ZNF585A: variants seen among roughly 807,000 people sequenced by gnomAD.
ZNF585A encodes the protein zinc finger protein 585A.
ZNF585A carries 9 observed loss-of-function variants against 14.9 expected under a neutral mutation model. That is an observed-to-expected ratio of 0.60 (90% CI 0.36 to 1.05). The LOEUF (loss-of-function observed/expected upper bound fraction) is 1.05. Among genes scored for constraint, ZNF585A ranks in the 50% least tolerant of loss-of-function variants. ZNF585A has a pLI of 0.01. For synonymous variants in ZNF585A, 276 were observed against 319.9 expected, an observed-to-expected ratio of 0.86 and a Z score of 1.46; for missense variants, 726 against 926.4, an observed-to-expected ratio of 0.78 and a Z score of 2.81.
intron 2 of ZNF585A, among the ~76,000 whole-genome samples, chr19:37,164,496 T>G (rs1325683294): frequency 6.6e-6 from 1 of 151,930 alleles, no homozygotes; most frequent in Non-Finnish European, 1.5e-5. Context: ...TGAGACAAAG[T>G]AGAAAAAAAT....
intron 2 of ZNF585A, among the ~76,000 whole-genome samples, chr19:37,160,343 AAAATAAATAAATAAATAAAT>A (rs148963406): frequency 0.015 from 2,104 of 138,932 alleles, 61 homozygotes; most frequent in African/African-American, 0.053. Context: ...ACCTGTCTCA[AAAATAAATAAATAAATAAAT>A]AAATAAATAA....
rs1401929429 is a variant in ZNF585A at position 37,147,305 on chromosome 19, T to C, written c.*4284A>G. On this transcript the variant is annotated 3_prime_UTR_variant, in exon 5 of 5. Coordinates refer to ENST00000292841, the MANE Select transcript of ZNF585A (RefSeq NM_001288800.2). ...GCAAAGGTGGAAGAGGAAAGCAAGA[T>C]GCACGGGCACTGGAGAAGCAGAGCA... 1 of 152,232 alleles carries C rather than the reference T, an allele frequency of 6.6e-6. No individual in the cohort carries two copies. The highest frequency in any genetic ancestry group is 1.5e-5 in the Non-Finnish European group (1 of 68,078). 9.4% of individuals were successfully genotyped at this position (152,232 alleles called of 1,614,324 possible). A position where few individuals can be genotyped will look rare whatever the true frequency, so the allele number is the denominator to read the frequency against.
rs1031184274 is a variant in ZNF585A at position 37,145,661 on chromosome 19, T to C, written c.*5928A>G. The C allele has an allele frequency of 6.6e-5, 10 of 152,238 alleles. No individual in the cohort carries two copies. The highest frequency in any genetic ancestry group is 1.5e-4 in the Non-Finnish European group (10 of 68,036). The allele number at this position is 152,238 out of a possible 1,614,324, so 9.4% of individuals were successfully genotyped here. On this transcript the variant is annotated 3_prime_UTR_variant, in exon 5 of 5. Coordinates refer to ENST00000292841, the MANE Select transcript of ZNF585A (RefSeq NM_001288800.2). ...CAGAGAGCACAATTTTTTGTTTTAATAGCAGCATTCCTTGTTATAATAAAT... is the reference window on the plus strand; with the variant it reads ...CAGAGAGCACAATTTTTTGTTTTAACAGCAGCATTCCTTGTTATAATAAAT...
rs778025597 is a variant in ZNF585A at position 37,153,073 on chromosome 19, C to T, written c.826G>A (p.Gly276Arg). 74 of 1,614,018 alleles carry T rather than the reference C, an allele frequency of 4.6e-5. No homozygotes were observed. The highest frequency in any genetic ancestry group is 3.5e-4 in the South Asian group (32 of 91,092). Residue 276 changes from glycine to arginine, a missense_variant, in exon 5 of 5, where the codon GGA becomes AGA. Coordinates refer to ENST00000292841, the MANE Select transcript of ZNF585A (RefSeq NM_001288800.2). Reference protein sequence around the residue: ...GERSYICIECGQAFIQKTHLI... With the variant: ...GERSYICIECRQAFIQKTHLI... ...TGGGTCTTCTGGATGAAGGCCTGTC[C>T]GCATTCAATACAGATGTAGGATCTC...
rs1599745572 is a variant in ZNF585A, at chr19:37,151,662, T to C, written c.2237A>G (p.Tyr746Cys). ...HQTTHTGDKP[Y>C]KCGICGKGFV... is the part of the protein sequence containing the mutation. ...GCCTTTCCCACAGATGCCACACTTG[T>C]AGGGTTTGTCTCCAGTGTGTGTTGT... The change falls in exon 5 of 5, where the codon TAC (tyrosine) becomes TGC (cysteine). Residue 746 changes from tyrosine to cysteine, a missense_variant. Physicochemically the swap from Tyr to Cys is radical, Grantham distance 194. This residue lies in a region of ZNF585A where 243 missense variants were observed against 383.6 expected (regional missense o/e 0.63). Coordinates refer to ENST00000292841, the MANE Select transcript of ZNF585A (RefSeq NM_001288800.2). 3 of 1,614,200 alleles carry C rather than the reference T, an allele frequency of 1.9e-6. No homozygotes were observed. Among genetic ancestry groups the C allele is most frequent in the East Asian group, 2.2e-5 (1 of 44,880 alleles).
In ZNF585A at chr19:37,152,384, C is replaced by A. The variant is rs1297343918; in HGVS notation, c.1515G>T (p.Gln505His). 5 of 1,613,860 alleles carry A rather than the reference C, an allele frequency of 3.1e-6. No individual in the cohort carries two copies. In the South Asian group the frequency reaches 5.5e-5, roughly 18 times the overall value. The change falls in exon 5 of 5, where the codon CAG becomes CAT. Residue 505 changes from glutamine (Q) to histidine (H), a missense_variant. Physicochemically the swap from Gln to His is conservative, Grantham distance 24. Around this residue, in one of 2 missense-constraint regions of ZNF585A, gnomAD observed 243 missense variants for 383.6 expected, o/e 0.63. Coordinates refer to ENST00000292841, the MANE Select transcript of ZNF585A (RefSeq NM_001288800.2). Reference protein sequence around the residue: ...ICSKCGKAFTQRSDLITHQRI... With the variant: ...ICSKCGKAFTHRSDLITHQRI... ...TCTGATGTGTAATCAAGTCTGACCTCTGGGTGAAGGCCTTTCCACATTTGG... is the reference window on the plus strand; with the variant it reads ...TCTGATGTGTAATCAAGTCTGACCTATGGGTGAAGGCCTTTCCACATTTGG...
At chr19:37,165,217 C>T (rs1972069151) in intron 2 of ZNF585A, among the ~76,000 whole-genome samples, 1 of 152,050 alleles carries the variant, frequency 6.6e-6, no homozygotes, top group Non-Finnish European at 1.5e-5. Flanking sequence ...AAATAATTAG[C>T]TGGGCGTGGT....
chr19:37,161,521 C>T (rs968478447), intron 2 of ZNF585A, among the ~76,000 whole-genome samples: 2 of 152,090 alleles, frequency 1.3e-5, no homozygotes, highest in African/African-American at 2.4e-5. Context: ...GTTTGAACTA[C>T]GCAAGTCCAC....
chr19:37,148,444 T>C lies in ZNF585A; in HGVS notation c.*3145A>G, dbSNP rs2044032930. ...CACAAGGACTCCACTTATACAATAT[T>C]ATGGAAAAGGCAGAACTATAGAGAC... On this transcript the variant is annotated 3_prime_UTR_variant, in exon 5 of 5. Transcript: ENST00000292841. 6.6e-6 allele frequency: 1 copy of C among 151,756 alleles called. No homozygotes were observed. The highest frequency in any genetic ancestry group is 6.6e-5 in the Admixed American group (1 of 15,194). 9.4% of individuals were successfully genotyped at this position (151,756 alleles called of 1,614,324 possible). A position where few individuals can be genotyped will look rare whatever the true frequency, so the allele number is the denominator to read the frequency against.
In ZNF585A at chr19:37,163,967, C is replaced by G. The variant is rs113952801; in HGVS notation, c.72+5872G>C. On this transcript the variant is annotated intron_variant, in intron 2 of 4. Coordinates refer to ENST00000292841, the MANE Select transcript of ZNF585A (RefSeq NM_001288800.2). ...ATGACCAAAGGCATATCTGGAGTTG[C>G]CAACAGAAAAGAAATAAGAGCCTCC... Among the ~76,000 whole-genome samples the G allele has an allele frequency of 1.2e-4, 18 of 152,142 alleles. 2 individuals are homozygous for G. Among genetic ancestry groups the G allele is most frequent in the African/African-American group, 4.3e-4 (18 of 41,490 alleles).
At chr19:37,169,792 C>T in intron 2 of ZNF585A, 47 bp downstream of exon 2, 1 of 1,602,374 alleles carries the variant, frequency 6.2e-7, no homozygotes, top group Non-Finnish European at 8.5e-7. Flanking sequence ...CCAGAGATAC[C>T]TAGTCCTGGA....
chr19:37,172,055 T>C (rs1258762072), intron 1 of ZNF585A, among the ~76,000 whole-genome samples: 1 of 152,230 alleles, frequency 6.6e-6, no homozygotes, highest in Non-Finnish European at 1.5e-5. Context: ...GAGACAGATA[T>C]ATTTTTTGAA....
intron 2 of ZNF585A, among the ~76,000 whole-genome samples, chr19:37,164,456 G>A (rs1972057792): frequency 6.6e-6 from 1 of 151,818 alleles, no homozygotes; most frequent in African/African-American, 2.4e-5. Flanking sequence ...CATTTGTGGT[G>A]GGAAACTTTA....
intron 2 of ZNF585A, chr19:37,165,503 T>G: frequency 5.4e-5 from 13 of 241,904 alleles, no homozygotes; most frequent in Non-Finnish European, 8.7e-5. Flanking sequence ...TTATTGTTTT[T>G]GAGATATTTT....
In ZNF585A at chr19:37,153,438, C is replaced by A; in HGVS notation, c.461G>T (p.Gly154Val). The change falls in exon 5 of 5, where the codon GGA (glycine) becomes GTA (valine). Residue 154 changes from glycine to valine, a missense_variant. Around this residue, in one of 2 missense-constraint regions of ZNF585A, gnomAD observed 483 missense variants for 542.8 expected, o/e 0.89. Coordinates refer to ENST00000292841, the MANE Select transcript of ZNF585A (RefSeq NM_001288800.2). ...QLKVHLKVLA[G>V]EKLYVCIECG... ...TTCAATGCATACATAGAGCTTTTCT[C>A]CTGCAAGAACTTTCAGGTGTACTTT... The A allele has an allele frequency of 6.2e-7, 1 of 1,614,172 alleles. No individual in the cohort carries two copies. The highest frequency in any genetic ancestry group is 8.5e-7 in the Non-Finnish European group (1 of 1,180,040).
chr19:37,153,103 C>T lies in ZNF585A; in HGVS notation c.796G>A (p.Gly266Ser). 6.2e-7 allele frequency: 1 copy of T among 1,614,092 alleles called. No individual in the cohort carries two copies. The highest frequency in any genetic ancestry group is 8.5e-7 in the Non-Finnish European group (1 of 1,180,010). Residue 266 changes from glycine to serine, a missense_variant, in exon 5 of 5, where the codon GGC becomes AGC. Transcript: ENST00000292841. ...TLKMHQKIHT[G>S]ERSYICIECG... Reference sequence around the variant, plus strand: ...TCAATACAGATGTAGGATCTCTCGCCTGTATGGATTTTCTGATGCATCTTG... The same window carrying T: ...TCAATACAGATGTAGGATCTCTCGCTTGTATGGATTTTCTGATGCATCTTG...
At chr19:37,164,275 C>T (rs1230845460) in intron 2 of ZNF585A, among the ~76,000 whole-genome samples, 5 of 151,956 alleles carry the variant, frequency 3.3e-5, no homozygotes, top group East Asian at 3.9e-4. Context: ...TGGTGGCGGG[C>T]GCCTGTAGTC....
intron 2 of ZNF585A, among the ~76,000 whole-genome samples, chr19:37,164,966 T>C (rs111824259): frequency 0.022 from 3,359 of 152,174 alleles, 128 homozygotes; most frequent in African/African-American, 0.077. Context: ...AGCCACCACA[T>C]ATGGCCAAAA....
At position 37,153,594 on chromosome 19, in the gene ZNF585A, C is replaced by T. The variant is rs1429828797; in HGVS notation, c.305G>A (p.Trp102Ter). The change falls in exon 5 of 5, where the codon TGG (tryptophan) becomes TAG (stop). Residue 102 changes from tryptophan to a stop codon, truncating the protein, a stop_gained. Coordinates refer to ENST00000292841, the MANE Select transcript of ZNF585A (RefSeq NM_001288800.2). LOFTEE classifies it low-confidence loss of function (END_TRUNC). ...GATTTTTCTACATTGATTATGGTCC[C>T]ATAATTTCTCTCCTGTTGGAATACA... ...PRQSCPGEKL[W>*]DHNQCRKILS... 6.2e-7 allele frequency: 1 copy of T among 1,609,906 alleles called. No homozygotes were observed. Among genetic ancestry groups the T allele is most frequent in the Admixed American group, 1.7e-5 (1 of 59,584 alleles).
Sources: allele counts gnomAD v4.1 joint callset (sites outside exome capture counted in the v4.1 genomes callset), GRCh38; gene constraint gnomAD v4.1.1; regional missense constraint gnomAD v4.1.1; transcripts MANE v1.5; gene names NCBI Gene and HGNC (gene_info 2026-07-23, HGNC 2026-07-21).